TCF3: variants seen among roughly 807,000 people sequenced by gnomAD.
The protein encoded by TCF3 is transcription factor 3, also known as transcription factor E2-alpha.
TCF3 carries 54 observed loss-of-function variants against 72.3 expected under a neutral mutation model. The observed-to-expected ratio is 0.75, with a 90% CI of 0.60 to 0.94. The LOEUF is 0.94. TCF3 is among the 40% of genes least tolerant of loss of function. The probability of loss-of-function intolerance (pLI) is 0.00; values close to 1 mark genes in which losing one functional copy is unlikely to be tolerated. For missense variants in TCF3, 1,078 were observed against 934.4 expected, an observed-to-expected ratio of 1.15 and a Z score of -2.00; for synonymous variants, 525 against 412.6, an observed-to-expected ratio of 1.27 and a Z score of -3.30.
At chr19:1,633,600 T>C (rs1226243872) in intron 3 of TCF3, among the ~76,000 whole-genome samples, 2 of 152,226 alleles carry the variant, frequency 1.3e-5, no homozygotes, top group Admixed American at 1.3e-4. Context: ...TTATGCATAT[T>C]AATCTCCAAG....
At chr19:1,651,723 G>T (rs1038102909) in intron 1 of TCF3, among the ~76,000 whole-genome samples, 4 of 151,740 alleles carry the variant, frequency 2.6e-5, no homozygotes, top group Non-Finnish European at 5.9e-5. Flanking sequence ...CAGGCGGTGC[G>T]GCCCGGGAGC....
intron 4 of TCF3, 56 bp downstream of exon 4, chr19:1,632,276 G>T: frequency 3.9e-6 from 6 of 1,550,622 alleles, no homozygotes; most frequent in Admixed American, 2.0e-5. Context: ...CACACCCCTC[G>T]CCCCCAACTC....
At chr19:1,630,797 A>G (rs946481282) in intron 5 of TCF3, among the ~76,000 whole-genome samples, 1 of 151,966 alleles carries the variant, frequency 6.6e-6, no homozygotes, top group Non-Finnish European at 1.5e-5. Flanking sequence ...CAGCCCCCCA[A>G]GCAGCGGGAC....
At position 1,615,157 on chromosome 19, in the gene TCF3, A is replaced by T; in HGVS notation, c.1822+128T>A. On this transcript the variant is annotated intron_variant, in intron 18 of 18. Transcript: ENST00000262965. The surrounding 1 kb of genome is among the most constrained non-coding windows in gnomAD (Gnocchi z 7.3). ...GGTCAGAGGGGTGAAGGGCACAGTC[A>T]CTGCAAGGAGGCAACTGCTGCAGAG... 1 of 1,128,978 alleles carries T rather than the reference A, an allele frequency of 8.9e-7. No individual in the cohort carries two copies. The highest frequency in any genetic ancestry group is 1.2e-6 in the Non-Finnish European group (1 of 815,714). The allele number at this position is 1,128,978 out of a possible 1,614,324, so 69.9% of individuals were successfully genotyped here.
At chr19:1,629,846 G>A (rs1448783805) in intron 5 of TCF3, among the ~76,000 whole-genome samples, 4 of 152,206 alleles carry the variant, frequency 2.6e-5, no homozygotes, top group Non-Finnish European at 4.4e-5. Flanking sequence ...TGGAACAAAT[G>A]CTGCTGTTTT....
At chr19:1,651,435 G>A (rs1261170686) in intron 1 of TCF3, 5 of 226,428 alleles carry the variant, frequency 2.2e-5, no homozygotes, top group South Asian at 3.6e-4. Flanking sequence ...TTTTTGGAGG[G>A]CGTGTGAAAC....
intron 2 of TCF3, among the ~76,000 whole-genome samples, chr19:1,647,923 T>A (rs1293889508): frequency 6.6e-6 from 1 of 151,792 alleles, no homozygotes; most frequent in Admixed American, 6.6e-5. Flanking sequence ...CCCATGGGAG[T>A]CTCGCACGCG....
intron 2 of TCF3, among the ~76,000 whole-genome samples, chr19:1,646,812 T>G (rs1364165935): frequency 1.3e-5 from 2 of 152,230 alleles, no homozygotes; most frequent in Non-Finnish European, 2.9e-5. Context: ...GTCTTTACGT[T>G]TCAGCTCTGA....
chr19:1,637,956 G>A (rs978852695), intron 3 of TCF3, among the ~76,000 whole-genome samples: 1 of 152,048 alleles, frequency 6.6e-6, no homozygotes, highest in Admixed American at 6.6e-5. Flanking sequence ...ACCCAACATG[G>A]AACAAAAAGG....
intron 16 of TCF3, among the ~76,000 whole-genome samples, chr19:1,617,911 C>T (rs886932922): frequency 1.3e-5 from 2 of 152,190 alleles, no homozygotes; most frequent in African/African-American, 4.8e-5. Flanking sequence ...CACCCAGTGT[C>T]CCCTGGGGGC....
At chr19:1,648,939 G>A (rs1056415414) in intron 2 of TCF3, among the ~76,000 whole-genome samples, 4 of 152,016 alleles carry the variant, frequency 2.6e-5, no homozygotes, top group Admixed American at 6.6e-5. Context: ...CAGGCAAACC[G>A]AGGCCCCGGG....
intron 3 of TCF3, among the ~76,000 whole-genome samples, chr19:1,634,779 G>C (rs2064175812): frequency 6.6e-6 from 1 of 152,192 alleles, no homozygotes; most frequent in African/African-American, 2.4e-5. Flanking sequence ...AGTACACAAG[G>C]ACCAAGTCTG....
chr19:1,615,841 A>C lies in TCF3; in HGVS notation c.1451-20T>G. On this transcript the variant is annotated intron_variant, in intron 16 of 18. Coordinates refer to ENST00000262965, the MANE Select transcript of TCF3 (RefSeq NM_003200.5). The surrounding 1 kb of genome is among the most constrained non-coding windows in gnomAD (Gnocchi z 7.3). ...CTAGCCCTGCAACAGGCCTAGGGTCAGGGGCCTGCGTCGGCCTCCAGGGCC... is the reference window on the plus strand; with the variant it reads ...CTAGCCCTGCAACAGGCCTAGGGTCCGGGGCCTGCGTCGGCCTCCAGGGCC... The C allele has an allele frequency of 6.6e-7, 1 of 1,522,168 alleles. No homozygotes were observed. The highest frequency in any genetic ancestry group is 8.8e-7 in the Non-Finnish European group (1 of 1,133,502). 94.3% of individuals were successfully genotyped at this position (1,522,168 alleles called of 1,614,324 possible). A position where few individuals can be genotyped will look rare whatever the true frequency, so the allele number is the denominator to read the frequency against.
At chr19:1,638,729 T>C (rs2064820259) in intron 3 of TCF3, among the ~76,000 whole-genome samples, 1 of 152,210 alleles carries the variant, frequency 6.6e-6, no homozygotes. Flanking sequence ...AATCACGGCC[T>C]TAAACGTGTT....
Position 1,622,186 on chromosome 19 carries a change from G to A in TCF3, c.690C>T (p.Pro230=). 2 of 1,567,802 alleles carry A rather than the reference G, an allele frequency of 1.3e-6. No individual in the cohort carries two copies. The highest frequency in any genetic ancestry group is 2.3e-5 in the East Asian group (1 of 42,750). ...TGGGCCCGAAGCCCGCCTGGCCCGGGGGACTCCAGAGCTCGGCTGAGGGGT... is the reference window on the plus strand; with the variant it reads ...TGGGCCCGAAGCCCGCCTGGCCCGGAGGACTCCAGAGCTCGGCTGAGGGGT... ...SLHPSAELWS[P]PGQAGFGPML... is the part of the protein sequence containing the mutation. Residue 230 remains proline (P), a synonymous_variant, in exon 10 of 19, where the codon CCC becomes CCT. Coordinates refer to ENST00000262965, the MANE Select transcript of TCF3 (RefSeq NM_003200.5).
Position 1,612,452 on chromosome 19 carries a change from G to C in TCF3, c.1823-603C>G, listed in dbSNP as rs771588475. The C allele has an allele frequency of 1.3e-5, 20 of 1,582,474 alleles. No individual in the cohort carries two copies. The highest frequency in any genetic ancestry group is 1.6e-5 in the Non-Finnish European group (19 of 1,157,556). ...CGTACTGCTGGGTCACAGCACCGAGGCCTCTGTTAGTGATGCGCCAAGGCT... is the reference window on the plus strand; with the variant it reads ...CGTACTGCTGGGTCACAGCACCGAGCCCTCTGTTAGTGATGCGCCAAGGCT... On this transcript the variant is annotated intron_variant, in intron 18 of 18. Transcript: ENST00000262965.
At chr19:1,647,044 G>A (rs1041425309) in intron 2 of TCF3, among the ~76,000 whole-genome samples, 1 of 152,186 alleles carries the variant, frequency 6.6e-6, no homozygotes, top group Non-Finnish European at 1.5e-5. Context: ...GCAGCAGGTC[G>A]AGGAAGACAC....
At chr19:1,619,971 A>T in intron 13 of TCF3, 118 bp from the exon 14 acceptor site, 1 of 933,010 alleles carries the variant, frequency 1.1e-6, no homozygotes, top group Non-Finnish European at 1.6e-6. Flanking sequence ...GATGCCCAAG[A>T]TGGCCATTCC....
At chr19:1,629,995 T>C (rs1026698037) in intron 5 of TCF3, among the ~76,000 whole-genome samples, 2 of 152,046 alleles carry the variant, frequency 1.3e-5, no homozygotes, top group African/African-American at 4.8e-5. Flanking sequence ...CATAGGAGAC[T>C]GAGGTTATGG....
Sources: gnomAD v4.1 joint callset for allele counts (sites outside exome capture counted in the v4.1 genomes callset) on GRCh38, gnomAD v4.1.1 for gene constraint, Gnocchi (gnomAD v3.1) non-coding constraint, MANE v1.5 for transcripts, NCBI Gene and HGNC (gene_info 2026-07-23, HGNC 2026-07-21) for gene names.